TPD52: variants seen among roughly 807,000 people sequenced by gnomAD.
TPD52 encodes tumor protein D52, also known as prostate and colon associated protein.
TPD52 carries 17 observed loss-of-function variants against 31.3 expected under a neutral mutation model. The observed-to-expected ratio is 0.54, with a 90% confidence interval of 0.37 to 0.82. The LOEUF (loss-of-function observed/expected upper bound fraction) is 0.82, where lower values mean the gene tolerates loss of function less well. TPD52 is among the 40% of genes least tolerant of loss of function. The pLI is 0.00. For missense variants in TPD52, 212 were observed against 240.1 expected (o/e 0.88, Z 0.77); for synonymous variants, 83 against 89.6 (o/e 0.93, Z 0.42).
intron 1 of TPD52, among the ~76,000 whole-genome samples, chr8:80,068,359 T>A (rs1302683582): frequency 6.6e-6 from 1 of 152,160 alleles, no homozygotes; most frequent in Non-Finnish European, 1.5e-5. Context: ...TAGAGAAACA[T>A]CAATGATCAT....
intron 1 of TPD52, among the ~76,000 whole-genome samples, chr8:80,168,996 G>GT (rs768911758): frequency 3.3e-5 from 5 of 152,148 alleles, no homozygotes; most frequent in African/African-American, 1.2e-4. Flanking sequence ...GTGTTTGTTT[G>GT]TTTTTTGAGA....
chr8:80,106,474 A>G (rs867040010), intron 1 of TPD52, among the ~76,000 whole-genome samples: 11 of 152,134 alleles, frequency 7.2e-5, no homozygotes, highest in African/African-American at 2.7e-4. Context: ...CTCCTGCCTC[A>G]GCCTCCAGAG....
rs185425007 is a variant in TPD52 at position 80,136,615 on chromosome 8, T to C, written c.19+34810A>G. Among the ~76,000 whole-genome samples the C allele has an allele frequency of 2.0e-5, 3 of 151,814 alleles. No homozygotes were observed. In the East Asian group the frequency reaches 5.8e-4, roughly 29 times the overall value. On this transcript the variant is annotated intron_variant, in intron 1 of 7. Transcript: ENST00000518937. ...GGTCTCATACTGTTCTACTACTTTG[T>C]TCTTCTTAAAAAAACACTTGGTCAA... is the stretch of plus-strand genomic sequence containing the variant.
At chr8:80,125,373 C>T (rs1808531979) in intron 1 of TPD52, among the ~76,000 whole-genome samples, 1 of 152,128 alleles carries the variant, frequency 6.6e-6, no homozygotes, top group African/African-American at 2.4e-5. Context: ...AGCTACGATC[C>T]TGCCACTGAA....
At chr8:80,120,142 T>C (rs78534819) in intron 1 of TPD52, among the ~76,000 whole-genome samples, 4,185 of 152,184 alleles carry the variant, frequency 0.027, 189 homozygotes, top group African/African-American at 0.094. Context: ...TATATAAGGA[T>C]TCAGTAGATG....
At chr8:80,086,117 GTTT>G (rs1366202183) in intron 1 of TPD52, among the ~76,000 whole-genome samples, 4 of 88,866 alleles carry the variant, frequency 4.5e-5, no homozygotes, top group Admixed American at 1.2e-4. Flanking sequence ...TTTTTTTTTA[GTTT>G]TTTTTTTTTT....
intron 1 of TPD52, among the ~76,000 whole-genome samples, chr8:80,068,292 G>C (rs1222932793): frequency 1.3e-5 from 2 of 152,080 alleles, no homozygotes; most frequent in Non-Finnish European, 2.9e-5. Flanking sequence ...GAGTTACAGA[G>C]GCAGGATTAA....
chr8:80,121,856 T>C (rs1040593130), intron 1 of TPD52, among the ~76,000 whole-genome samples: 4 of 152,192 alleles, frequency 2.6e-5, no homozygotes, highest in African/African-American at 9.7e-5. Context: ...ACAAGGTTTT[T>C]TCATTGATTT....
chr8:80,164,924 A>AAG (rs1811613886), intron 1 of TPD52, among the ~76,000 whole-genome samples: 1 of 149,520 alleles, frequency 6.7e-6, no homozygotes, highest in African/African-American at 2.5e-5. Flanking sequence ...AAAAAAAAAA[A>AAG]AAAGAGCTAT....
intron 2 of TPD52, 22 bp from the exon 3 acceptor site, chr8:80,053,452 T>A (rs530237215): frequency 6.2e-7 from 1 of 1,609,348 alleles, no homozygotes; most frequent in East Asian, 2.2e-5. Context: ...GGGTTTGGGG[T>A]AAGAATATAG....
chr8:80,100,824 G>A (rs2130927461), intron 1 of TPD52, among the ~76,000 whole-genome samples: 1 of 152,290 alleles, frequency 6.6e-6, no homozygotes, highest in Non-Finnish European at 1.5e-5. Context: ...TTCCAATCAG[G>A]CCTTCAATGA....
rs370353131 is a variant in TPD52 at position 80,053,184 on chromosome 8, T to G, written c.284+98A>C. On this transcript the variant is annotated intron_variant, in intron 3 of 7. Transcript: ENST00000518937. Reference sequence around the variant, plus strand: ...GCCGTGTCGTCCAAAGAAAAGCTGCTGAAGCATCCTTATCCTCTTTTTCTT... The same window carrying G: ...GCCGTGTCGTCCAAAGAAAAGCTGCGGAAGCATCCTTATCCTCTTTTTCTT... 19 of 1,339,766 alleles carry G rather than the reference T, an allele frequency of 1.4e-5. No individual in the cohort carries two copies. The African/African-American group carries it at 2.1e-4, about 15-fold the overall frequency. The allele number at this position is 1,339,766 out of a possible 1,614,324, so 83.0% of individuals were successfully genotyped here.
chr8:80,085,315 G>A (rs541482801), intron 1 of TPD52, among the ~76,000 whole-genome samples: 53 of 152,310 alleles, frequency 3.5e-4, no homozygotes, highest in African/African-American at 1.2e-3. Context: ...AAACGGAAAT[G>A]GTAGTAGGTA....
intron 1 of TPD52, among the ~76,000 whole-genome samples, chr8:80,169,289 G>A (rs978437590): frequency 2.0e-5 from 3 of 152,062 alleles, no homozygotes; most frequent in East Asian, 1.9e-4. Flanking sequence ...CCTTGGCCAC[G>A]TTGTTCTAAC....
At chr8:80,074,850 G>A (rs2130784329) in intron 1 of TPD52, among the ~76,000 whole-genome samples, 1 of 152,266 alleles carries the variant, frequency 6.6e-6, no homozygotes, top group African/African-American at 2.4e-5. Context: ...AAAACCTTAG[G>A]GGGAAAACGA....
chr8:80,111,167 T>A (rs1807473067), intron 1 of TPD52, among the ~76,000 whole-genome samples: 1 of 152,212 alleles, frequency 6.6e-6, no homozygotes, highest in Non-Finnish European at 1.5e-5. Context: ...AGCTACGATA[T>A]CATCACTGTA....
At position 80,129,703 on chromosome 8, in the gene TPD52, C is replaced by CTTTT. The variant is rs5892709; in HGVS notation, c.19+41718_19+41721dup. Among the ~76,000 whole-genome samples the CTTTT allele has an allele frequency of 1.1e-4, 14 of 130,074 alleles. No homozygotes were observed. In the East Asian group the frequency reaches 1.1e-3, roughly 10 times the overall value. The allele number at this position is 130,074 out of a possible 152,430, so 85.3% of individuals were successfully genotyped here. A position where few individuals can be genotyped will look rare whatever the true frequency, so the allele number is the denominator to read the frequency against. ...TTCTCTCAAATCCTAACTCTCATTT[C>CTTTT]TTTTTTTTTTTTTTTTTTGAGACGG... On this transcript the variant is annotated intron_variant, in intron 1 of 7. Coordinates refer to ENST00000518937, the MANE Select transcript of TPD52 (RefSeq NM_001025253.3).
At chr8:80,100,745 G>A (rs946510443) in intron 1 of TPD52, among the ~76,000 whole-genome samples, 3 of 152,230 alleles carry the variant, frequency 2.0e-5, no homozygotes, top group Non-Finnish European at 4.4e-5. Flanking sequence ...TGGGTCCAAA[G>A]GCAGGAGAAG....
intron 1 of TPD52, among the ~76,000 whole-genome samples, chr8:80,077,572 G>A (rs946515121): frequency 7.9e-5 from 12 of 152,008 alleles, no homozygotes; most frequent in African/African-American, 2.4e-4. Context: ...GAGATGTTGC[G>A]GTCTAAAAAA....
Sources: allele counts gnomAD v4.1 joint callset (sites outside exome capture counted in the v4.1 genomes callset), GRCh38; gene constraint gnomAD v4.1.1; transcripts MANE v1.5; gene names NCBI Gene and HGNC (gene_info 2026-07-23, HGNC 2026-07-21).